Variants in PCDH11X observed in about 807,000 individuals in gnomAD.
PCDH11X encodes protocadherin-11 X-linked.
A neutral mutation model predicts 53.3 loss-of-function variants in PCDH11X; 18 were observed. The observed-to-expected ratio is 0.34, with a 90% CI of 0.23 to 0.50. PCDH11X has a LOEUF of 0.50. Among genes scored for constraint, PCDH11X ranks in the 20% least tolerant of loss-of-function variants. PCDH11X has a pLI of 0.98. For synonymous variants in PCDH11X, 279 were observed against 393.3 expected (o/e 0.71, Z 3.44); for missense variants, 570 against 1,032.4 (o/e 0.55, Z 6.14).
At position 92,039,467 on chromosome X, in the gene PCDH11X, C is replaced by T. The variant is rs1247858056; in HGVS notation, c.3033+160194C>T. ...TCCTCTTCTCTCCCCTTTTCACAGG[C>T]AGAGGAGCCTCTCCCAGTGGACACC... On this transcript the variant is annotated intron_variant, in intron 6 of 10. Coordinates refer to ENST00000682573, the MANE Select transcript of PCDH11X (RefSeq NM_032968.5). 2.7e-5 allele frequency among the ~76,000 whole-genome samples: 3 copies of T among 110,392 alleles called. No homozygotes were observed. The East Asian group carries it at 8.8e-4, about 32-fold the overall frequency.
At chrX:92,275,855 GTA>G in intron 8 of PCDH11X, among the ~76,000 whole-genome samples, 1 of 110,536 alleles carries the variant, frequency 9.0e-6, no homozygotes, top group South Asian at 4.0e-4. Context: ...TAATGAGATG[GTA>G]AGGGGTGCAT....
chrX:91,867,271 C>A (rs1939042324), intron 5 of PCDH11X, among the ~76,000 whole-genome samples: 1 of 111,591 alleles, frequency 9.0e-6, no homozygotes, highest in Non-Finnish European at 1.9e-5. Context: ...AACTTGATCC[C>A]AAACATAACT....
At chrX:92,482,809 C>G (rs2073538117) in intron 10 of PCDH11X, among the ~76,000 whole-genome samples, 1 of 109,432 alleles carries the variant, frequency 9.1e-6, no homozygotes, top group Admixed American at 9.8e-5. Context: ...CTTTGTTTTT[C>G]TCTTAGTCTT....
At chrX:92,206,260 A>G (rs769860329) in intron 7 of PCDH11X, among the ~76,000 whole-genome samples, 118 of 111,989 alleles carry the variant, frequency 1.1e-3, no homozygotes, top group African/African-American at 3.7e-3. Flanking sequence ...AAGCTTAAAT[A>G]AAATACTTAT....
intron 6 of PCDH11X, among the ~76,000 whole-genome samples, chrX:92,110,741 C>T (rs1036573692): frequency 1.8e-5 from 2 of 110,437 alleles, no homozygotes; most frequent in African/African-American, 6.6e-5. Flanking sequence ...ATGGGGGAGG[C>T]GGGTAGCCTT....
intron 9 of PCDH11X, among the ~76,000 whole-genome samples, chrX:92,421,764 G>C (rs1209268384): frequency 2.7e-5 from 3 of 111,621 alleles, no homozygotes; most frequent in African/African-American, 9.8e-5. Flanking sequence ...ACAACATTGT[G>C]AGTATCTCAT....
At chrX:92,375,548 C>T (rs560815984) in intron 8 of PCDH11X, among the ~76,000 whole-genome samples, 96 of 107,997 alleles carry the variant, frequency 8.9e-4, no homozygotes, top group Middle Eastern at 4.7e-3. Flanking sequence ...AAAATATTTG[C>T]TAGTAGTATC....
chrX:92,206,537 T>G (rs1025347015), intron 7 of PCDH11X, among the ~76,000 whole-genome samples: 10 of 111,080 alleles, frequency 9.0e-5, no homozygotes, highest in Admixed American at 5.8e-4. Context: ...TAATTTTATT[T>G]TTTTTTGAGA....
intron 8 of PCDH11X, among the ~76,000 whole-genome samples, chrX:92,303,194 A>G (rs1002262720): frequency 2.7e-5 from 3 of 111,393 alleles, no homozygotes; most frequent in African/African-American, 9.8e-5. Flanking sequence ...TGGAACAGAT[A>G]TTACCCAAGA....
rs143805795 is a variant in PCDH11X at position 92,619,384 on chromosome X, G to A, written c.*444G>A. ...GTTCAGATAACGTTAAAAGGTATAC[G>A]TACTCTAGCCTTTTTTTGGGCTTTC... On this transcript the variant is annotated 3_prime_UTR_variant, in exon 11 of 11. Coordinates refer to ENST00000682573, the MANE Select transcript of PCDH11X (RefSeq NM_032968.5). The A allele has an allele frequency of 8.2e-3, 1,212 of 147,307 alleles. 5 individuals carry two copies. Among genetic ancestry groups the A allele is most frequent in the Non-Finnish European group, 0.013 (982 of 77,340 alleles). 12.1% of individuals were successfully genotyped at this position (147,307 alleles called of 1,213,427 possible).
intron 6 of PCDH11X, among the ~76,000 whole-genome samples, chrX:92,159,809 A>T: frequency 1.6e-5 from 1 of 64,373 alleles, no homozygotes; most frequent in Non-Finnish European, 2.9e-5. Flanking sequence ...ACATCAGGTT[A>T]CCTCATTTTT....
chrX:92,310,553 T>C (rs2148480904), intron 8 of PCDH11X, among the ~76,000 whole-genome samples: 1 of 110,867 alleles, frequency 9.0e-6, no homozygotes, highest in East Asian at 2.9e-4. Context: ...CACATTGGGC[T>C]AATTTTTATA....
At chrX:92,107,461 G>A (rs2064408841) in intron 6 of PCDH11X, among the ~76,000 whole-genome samples, 1 of 112,537 alleles carries the variant, frequency 8.9e-6, no homozygotes, top group South Asian at 3.7e-4. Context: ...AAGAGGCTGG[G>A]TGTGGTGGCT....
rs1459237769 is a variant in PCDH11X, at chrX:92,100,622, G to C, written c.3034-100753G>C. ...CTTTTGTGATTCTTCAGTTACTTCC[G>C]GCCATCTGGTCGTATCCGTGCAAGT... On this transcript the variant is annotated intron_variant, in intron 6 of 10. Transcript: ENST00000682573. Among the ~76,000 whole-genome samples the C allele has an allele frequency of 2.7e-5, 3 of 111,154 alleles. No homozygotes were observed. In the Admixed American group the frequency reaches 2.9e-4, roughly 11 times the overall value.
intron 6 of PCDH11X, among the ~76,000 whole-genome samples, chrX:92,144,012 A>G (rs1482069708): frequency 8.9e-6 from 1 of 111,875 alleles, no homozygotes; most frequent in Non-Finnish European, 1.9e-5. Flanking sequence ...TGACTGCCAC[A>G]TTGGATTTCG....
chrX:92,287,866 C>T (rs2068410546), intron 8 of PCDH11X: 7 of 483,039 alleles, frequency 1.4e-5, no homozygotes, highest in Admixed American at 2.8e-5. Context: ...TTCTCCCTTG[C>T]TGTTCTTGTG....
intron 10 of PCDH11X, 37 bp downstream of exon 10, chrX:92,468,359 C>A (rs374426721): frequency 3.4e-6 from 4 of 1,168,117 alleles, no homozygotes; most frequent in African/African-American, 3.6e-5. Context: ...CACCATGTTG[C>A]ATGTTTCATT....
rs918071858 is a variant in PCDH11X, at chrX:92,505,047, CT to C, written c.3367+36726del. 5.6e-5 allele frequency among the ~76,000 whole-genome samples: 6 copies of C among 107,587 alleles called. No homozygotes were observed. In the Admixed American group the frequency reaches 6.0e-4, roughly 11 times the overall value. The allele number at this position is 107,587 out of a possible 115,157, so 93.4% of individuals were successfully genotyped here. ...AATTTGTTTAAGTTCCTTATACATT[CT>C]GGATATTAGGCCTTTGTTGGATGTA... On this transcript the variant is annotated intron_variant, in intron 10 of 10. Transcript: ENST00000682573.
At chrX:92,106,774 C>G (rs2064393134) in intron 6 of PCDH11X, among the ~76,000 whole-genome samples, 1 of 111,642 alleles carries the variant, frequency 9.0e-6, no homozygotes, top group South Asian at 3.7e-4. Flanking sequence ...GCACTATTAA[C>G]CAAAAATAAA....
Sources: allele counts gnomAD v4.1 joint callset (sites outside exome capture counted in the v4.1 genomes callset), GRCh38; gene constraint gnomAD v4.1.1; transcripts MANE v1.5; gene names NCBI Gene and HGNC (gene_info 2026-07-23, HGNC 2026-07-21).